NLGN1: variants seen among roughly 807,000 people sequenced by gnomAD.
NLGN1 encodes neuroligin-1.
Under a neutral mutation model 65.5 loss-of-function variants are expected in NLGN1, and 12 were observed. The observed-to-expected ratio is 0.18, with a 90% CI of 0.12 to 0.30. The LOEUF is 0.30. Among genes scored for constraint, NLGN1 ranks in the 10% least tolerant of loss-of-function variants. The pLI, the probability that NLGN1 is intolerant of heterozygous loss-of-function variation, is 1.00. For synonymous variants in NLGN1, 350 were observed against 359.5 expected (o/e 0.97, Z 0.30); for missense variants, 750 against 1,007.1 (o/e 0.74, Z 3.46).
At chr3:173,910,762 A>T (rs113407098) in intron 4 of NLGN1, 1 of 152,164 alleles carries the variant, frequency 6.6e-6, no homozygotes, top group Non-Finnish European at 1.5e-5. Flanking sequence ...CTCCATTTGG[A>T]GTGAGAGACT....
intron 4 of NLGN1, among the ~76,000 whole-genome samples, chr3:174,166,503 C>G (rs13340122): frequency 6.6e-6 from 1 of 151,748 alleles, no homozygotes; most frequent in African/African-American, 2.4e-5. Context: ...AGAGATCTTC[C>G]GAGTATTGAT....
intron 4 of NLGN1, among the ~76,000 whole-genome samples, chr3:174,024,763 T>C (rs567374984): frequency 6.6e-6 from 1 of 152,212 alleles, no homozygotes; most frequent in Non-Finnish European, 1.5e-5. Flanking sequence ...ACTTCTTGAA[T>C]TCTTTTATCT....
chr3:174,018,024 A>G (rs1287649601), intron 4 of NLGN1, among the ~76,000 whole-genome samples: 1 of 152,100 alleles, frequency 6.6e-6, no homozygotes, highest in Non-Finnish European at 1.5e-5. Flanking sequence ...ACCATAAAAG[A>G]CAGATGTCCC....
intron 2 of NLGN1, among the ~76,000 whole-genome samples, chr3:173,575,599 A>G (rs943411098): frequency 6.6e-6 from 1 of 152,284 alleles, no homozygotes; most frequent in African/African-American, 2.4e-5. Context: ...TTCATATTAT[A>G]TAGTTGGCTC....
intron 4 of NLGN1, among the ~76,000 whole-genome samples, chr3:173,929,745 C>A (rs1280177071): frequency 6.8e-6 from 1 of 148,126 alleles, no homozygotes; most frequent in African/African-American, 2.5e-5. Context: ...GCTCTTGTTG[C>A]CCAGGCTGGA....
chr3:173,635,594 C>G (rs190333663), intron 3 of NLGN1, among the ~76,000 whole-genome samples: 5 of 151,982 alleles, frequency 3.3e-5, no homozygotes, highest in African/African-American at 9.7e-5. Flanking sequence ...TCAGGAAACA[C>G]GTTTTTGGAA....
intron 4 of NLGN1, among the ~76,000 whole-genome samples, chr3:174,171,750 A>G (rs1728575041): frequency 6.6e-6 from 1 of 152,060 alleles, no homozygotes; most frequent in Admixed American, 6.6e-5. Context: ...TAGTTATATC[A>G]ATTTAACTCT....
rs183010526 is a variant in NLGN1, at chr3:173,634,022, A to G, written c.493+28931A>G. The stretch of plus-strand genomic sequence containing the variant: ...CAACTTGCCTAAGTAATTCTCTACT[A>G]GAATAAAAACAATCTACTCAAGGCT... On this transcript the variant is annotated intron_variant, in intron 3 of 6. Coordinates refer to ENST00000457714, the Ensembl canonical transcript of NLGN1. Among the ~76,000 whole-genome samples the G allele has an allele frequency of 3.3e-5, 5 of 152,322 alleles. No homozygotes were observed. The East Asian group carries it at 9.6e-4, about 29-fold the overall frequency.
intron 3 of NLGN1, among the ~76,000 whole-genome samples, chr3:173,788,778 A>T (rs770955789): frequency 1.4e-5 from 2 of 145,332 alleles, no homozygotes; most frequent in Non-Finnish European, 3.0e-5. Context: ...CCATGATCAC[A>T]CCTGTGAATA....
intron 1 of NLGN1, among the ~76,000 whole-genome samples, chr3:173,419,362 G>A (rs1298562835): frequency 2.6e-5 from 4 of 151,634 alleles, no homozygotes; most frequent in Non-Finnish European, 5.9e-5. Context: ...CCAGCAGGAA[G>A]GGGGTTATCT....
intron 4 of NLGN1, among the ~76,000 whole-genome samples, chr3:174,008,251 C>T (rs1398776178): frequency 1.3e-5 from 2 of 152,052 alleles, no homozygotes; most frequent in Non-Finnish European, 2.9e-5. Context: ...AACTCCTGCT[C>T]AGATGTGGCA....
chr3:173,685,168 G>A (rs1560166670), intron 3 of NLGN1, among the ~76,000 whole-genome samples: 1 of 152,144 alleles, frequency 6.6e-6, no homozygotes, highest in Non-Finnish European at 1.5e-5. Context: ...AGGATGCCGA[G>A]TAGTTGCTCC....
At chr3:174,040,471 A>G (rs552218774) in intron 4 of NLGN1, among the ~76,000 whole-genome samples, 16 of 152,276 alleles carry the variant, frequency 1.1e-4, no homozygotes, top group African/African-American at 3.4e-4. Flanking sequence ...AAAATAACTG[A>G]CACTCATTAA....
At chr3:173,617,895 TC>T (rs1395560162) in intron 3 of NLGN1, among the ~76,000 whole-genome samples, 1 of 152,144 alleles carries the variant, frequency 6.6e-6, no homozygotes, top group Non-Finnish European at 1.5e-5. Flanking sequence ...CCAATTTCCC[TC>T]CCCTGACAAA....
At chr3:173,679,658 T>C (rs1763679113) in intron 3 of NLGN1, among the ~76,000 whole-genome samples, 1 of 152,140 alleles carries the variant, frequency 6.6e-6, no homozygotes, top group African/African-American at 2.4e-5. Flanking sequence ...GAGTAGAGGG[T>C]GTTACAGCAA....
intron 4 of NLGN1, among the ~76,000 whole-genome samples, chr3:174,019,075 T>C (rs540818581): frequency 5.9e-5 from 9 of 152,224 alleles, no homozygotes; most frequent in East Asian, 1.9e-4. Flanking sequence ...AGGTATTCAA[T>C]GCCACCAAAT....
chr3:174,124,955 A>G (rs1718626002), intron 4 of NLGN1, among the ~76,000 whole-genome samples: 1 of 151,944 alleles, frequency 6.6e-6, no homozygotes, highest in African/African-American at 2.4e-5. Context: ...AAAGAGCCTG[A>G]CTCAGGTGCA....
chr3:173,470,482 G>A (rs1461762837), intron 2 of NLGN1, among the ~76,000 whole-genome samples: 3 of 151,950 alleles, frequency 2.0e-5, no homozygotes, highest in Admixed American at 6.6e-5. Context: ...CACACGTAGC[G>A]CTTGTAGCAG....
chr3:173,853,558 T>C (rs2150752520), intron 4 of NLGN1, among the ~76,000 whole-genome samples: 1 of 152,258 alleles, frequency 6.6e-6, no homozygotes, highest in Middle Eastern at 3.4e-3. Context: ...GGAAATTGTA[T>C]ATTTATAATG....
Sources: gnomAD v4.1 joint callset for allele counts (sites outside exome capture counted in the v4.1 genomes callset) on GRCh38, gnomAD v4.1.1 for gene constraint, MANE v1.5 for transcripts, NCBI Gene and HGNC (gene_info 2026-07-23, HGNC 2026-07-21) for gene names.